Variants in ERICH3 observed in about 807,000 individuals in gnomAD.
ERICH3 encodes the protein glutamate rich 3.
A neutral mutation model predicts 131.1 loss-of-function variants in ERICH3; 126 were observed. The ratio of observed to expected loss-of-function variants is 0.96; its 90% CI spans 0.83 to 1.11. The LOEUF is 1.11. Ranked by LOEUF, ERICH3 falls within the 50% of genes most tolerant of loss-of-function variation. ERICH3 has a pLI of 0.00. For synonymous variants in ERICH3, 695 were observed against 644.6 expected, an observed-to-expected ratio of 1.08 and a Z score of -1.18; for missense variants, 2,050 against 1,810.7, an observed-to-expected ratio of 1.13 and a Z score of -2.40.
chr1:74,592,482 A>G (rs1647653397), intron 11 of ERICH3, among the ~76,000 whole-genome samples: 1 of 152,092 alleles, frequency 6.6e-6, no homozygotes, highest in Admixed American at 6.6e-5. Flanking sequence ...GTTAGCTAGG[A>G]CTCAATGTTA....
rs1057420530 is a variant in ERICH3 at position 74,630,571 on chromosome 1, T to G, written c.819+1142A>C. On this transcript the variant is annotated intron_variant, in intron 7 of 14. Transcript: ENST00000326665. ...AGCAAGAATATTGTTGTAAGTTGAG[T>G]TGCCTGGGGTTGTTAGACTAAGCTC... Among the ~76,000 whole-genome samples, 7 of 152,056 alleles carry G rather than the reference T, an allele frequency of 4.6e-5. No homozygotes were observed. The East Asian group carries it at 1.4e-3, about 29-fold the overall frequency.
At chr1:74,576,967 G>T in intron 12 of ERICH3, 31 bp from the exon 13 acceptor site, 4 of 1,559,642 alleles carry the variant, frequency 2.6e-6, no homozygotes, top group Non-Finnish European at 3.5e-6. Context: ...GAAAAAAAAG[G>T]TCAAATGAAT....
chr1:74,630,829 C>A (rs942079814), intron 7 of ERICH3, among the ~76,000 whole-genome samples: 3 of 151,354 alleles, frequency 2.0e-5, no homozygotes, highest in Admixed American at 2.0e-4. Flanking sequence ...AAGGGTGGGC[C>A]TTGGGGATGA....
intron 1 of ERICH3, among the ~76,000 whole-genome samples, chr1:74,670,677 G>T (rs1646733739): frequency 6.6e-6 from 1 of 152,150 alleles, no homozygotes; most frequent in African/African-American, 2.4e-5. Flanking sequence ...TAAAACATGT[G>T]TGTTTGAACA....
intron 1 of ERICH3, among the ~76,000 whole-genome samples, chr1:74,669,401 G>C (rs1646721158): frequency 6.6e-6 from 1 of 152,054 alleles, no homozygotes; most frequent in South Asian, 2.1e-4. Context: ...TTACAGCCAA[G>C]TGTATCTTTT....
intron 3 of ERICH3, among the ~76,000 whole-genome samples, chr1:74,644,495 A>T (rs1031578455): frequency 4.1e-4 from 62 of 152,080 alleles, no homozygotes; most frequent in Admixed American, 4.1e-3. Flanking sequence ...CACCATGCTA[A>T]CAGGCATGTT....
chr1:74,667,844 C>T (rs1646706478), intron 1 of ERICH3, among the ~76,000 whole-genome samples: 1 of 152,096 alleles, frequency 6.6e-6, no homozygotes. Context: ...ATCTCATCTT[C>T]AATTTTAATC....
chr1:74,672,418 A>T (rs777896757), intron 1 of ERICH3, among the ~76,000 whole-genome samples: 1 of 152,348 alleles, frequency 6.6e-6, no homozygotes, highest in African/African-American at 2.4e-5. Flanking sequence ...CTGATTTCCA[A>T]CGTGGCACCT....
chr1:74,593,500 C>T (rs1006746869), intron 11 of ERICH3, among the ~76,000 whole-genome samples: 1 of 152,122 alleles, frequency 6.6e-6, no homozygotes, highest in African/African-American at 2.4e-5. Flanking sequence ...GTAGAAATTA[C>T]ATGAGAAAAA....
Position 74,573,059 on chromosome 1 carries a change from G to A in ERICH3, c.2651C>T (p.Thr884Ile). Residue 884 changes from threonine (T) to isoleucine (I), a missense_variant, in exon 14 of 15, where the codon ACA becomes ATA. Physicochemically the swap from Thr to Ile is moderately conservative, Grantham distance 89. Coordinates refer to ENST00000326665, the MANE Select transcript of ERICH3 (RefSeq NM_001002912.5). The stretch of plus-strand genomic sequence containing the variant: ...AGCTGCTTTGTCTGTCTCAAGCACT[G>A]TGAGCATCAAGGCTTGCTTTTCAGG... ...EAPEKQALMLTVLETDKAASE... is the reference protein window; with the variant it reads ...EAPEKQALMLIVLETDKAASE... The A allele has an allele frequency of 1.2e-6, 2 of 1,614,148 alleles. No individual in the cohort carries two copies. Among genetic ancestry groups the A allele is most frequent in the Non-Finnish European group, 1.7e-6 (2 of 1,180,026 alleles).
chr1:74,611,105 A>G (rs575058693), intron 9 of ERICH3, among the ~76,000 whole-genome samples: 3 of 152,188 alleles, frequency 2.0e-5, no homozygotes, highest in East Asian at 1.9e-4. Flanking sequence ...TCAGATTTGC[A>G]TCTCCAGCCT....
intron 1 of ERICH3, among the ~76,000 whole-genome samples, chr1:74,671,873 G>T (rs922454821): frequency 6.6e-6 from 1 of 152,180 alleles, no homozygotes; most frequent in African/African-American, 2.4e-5. Flanking sequence ...AGGGATCAGA[G>T]AAATTAATAC....
chr1:74,587,025 G>T (rs910573744), intron 12 of ERICH3, among the ~76,000 whole-genome samples: 1 of 151,782 alleles, frequency 6.6e-6, no homozygotes, highest in Non-Finnish European at 1.5e-5. Context: ...CATATATTAC[G>T]GCTTAACAAA....
chr1:74,590,185 G>A (rs1218835046), intron 11 of ERICH3, 105 bp from the exon 12 acceptor site: 33 of 971,094 alleles, frequency 3.4e-5, no homozygotes, highest in Admixed American at 2.9e-5. Context: ...TTAAAACATA[G>A]TTTAATATAG....
chr1:74,658,912 A>T (rs1646612639), intron 1 of ERICH3, among the ~76,000 whole-genome samples: 1 of 152,194 alleles, frequency 6.6e-6, no homozygotes, highest in Admixed American at 6.5e-5. Context: ...GTTAAGCATT[A>T]GTATGATAAT....
At chr1:74,651,805 T>C (rs1271951961) in intron 1 of ERICH3, among the ~76,000 whole-genome samples, 2 of 152,150 alleles carry the variant, frequency 1.3e-5, no homozygotes, top group African/African-American at 2.4e-5. Flanking sequence ...AACTTCCCTA[T>C]TGACTGATAA....
intron 1 of ERICH3, among the ~76,000 whole-genome samples, chr1:74,659,159 C>G (rs1032230150): frequency 2.6e-5 from 4 of 152,096 alleles, no homozygotes; most frequent in Non-Finnish European, 4.4e-5. Flanking sequence ...AAGTGCCTGG[C>G]CATTTGAGGG....
chr1:74,586,263 A>G (rs1453598830), intron 12 of ERICH3: 3 of 455,832 alleles, frequency 6.6e-6, no homozygotes, highest in Non-Finnish European at 8.7e-6. Context: ...TGTTAAGTGA[A>G]AAAAGCAAGT....
At chr1:74,623,971 C>T (rs999076241) in intron 7 of ERICH3, 3 of 152,114 alleles carry the variant, frequency 2.0e-5, no homozygotes, top group Admixed American at 6.6e-5. Context: ...TGGAACTATT[C>T]CCTTGTATTA....
Sources: allele counts gnomAD v4.1 joint callset (sites outside exome capture counted in the v4.1 genomes callset), GRCh38; gene constraint gnomAD v4.1.1; transcripts MANE v1.5; gene names NCBI Gene and HGNC (gene_info 2026-07-23, HGNC 2026-07-21).